The following CADM2 variants were observed in gnomAD, a reference collection of about 807,000 sequenced individuals.
CADM2 encodes immunoglobulin superfamily member 4D.
A neutral mutation model predicts 49.8 loss-of-function variants in CADM2; 12 were observed. The ratio of observed to expected loss-of-function variants is 0.24; its 90% CI spans 0.15 to 0.39. The LOEUF (loss-of-function observed/expected upper bound fraction) is 0.39, where lower values mean the gene tolerates loss of function less well. CADM2 is among the 10% of genes least tolerant of loss of function. The pLI is 1.00. For missense variants in CADM2, 378 were observed against 492.3 expected, an observed-to-expected ratio of 0.77 and a Z score of 2.20; for synonymous variants, 214 against 175.4, an observed-to-expected ratio of 1.22 and a Z score of -1.74.
intron 1 of CADM2, among the ~76,000 whole-genome samples, chr3:85,700,577 G>A (rs1225853236): frequency 6.6e-6 from 1 of 152,128 alleles, no homozygotes; most frequent in Non-Finnish European, 1.5e-5. Context: ...GACACATCTT[G>A]AAAGCTTTGC....
At chr3:85,601,870 C>T (rs1281661386) in intron 1 of CADM2, among the ~76,000 whole-genome samples, 1 of 151,420 alleles carries the variant, frequency 6.6e-6, no homozygotes, top group South Asian at 2.1e-4. Flanking sequence ...AGTCATTATC[C>T]TCACATCTTC....
At chr3:85,200,058 C>T (rs1576102044) in intron 1 of CADM2, among the ~76,000 whole-genome samples, 1 of 151,988 alleles carries the variant, frequency 6.6e-6, no homozygotes, top group Non-Finnish European at 1.5e-5. Flanking sequence ...CCTAAATGCC[C>T]TTCCATGGGT....
At chr3:85,947,203 C>G (rs576654426) in intron 7 of CADM2, among the ~76,000 whole-genome samples, 1 of 151,980 alleles carries the variant, frequency 6.6e-6, no homozygotes, top group African/African-American at 2.4e-5. Flanking sequence ...AAATGCTCAT[C>G]ATCACTGGCC....
chr3:85,270,271 A>G (rs1301328814), intron 1 of CADM2, among the ~76,000 whole-genome samples: 1 of 151,402 alleles, frequency 6.6e-6, no homozygotes, highest in Non-Finnish European at 1.5e-5. Context: ...ATATTCAGAG[A>G]TAAATAAAGA....
chr3:85,789,842 AT>A (rs2071221850), intron 2 of CADM2, among the ~76,000 whole-genome samples: 1 of 152,150 alleles, frequency 6.6e-6, no homozygotes, highest in Non-Finnish European at 1.5e-5. Context: ...GTTTGTGTTC[AT>A]TTTGCATTTT....
intron 1 of CADM2, among the ~76,000 whole-genome samples, chr3:85,452,960 TAC>T (rs752622245): frequency 6.6e-6 from 1 of 152,022 alleles, no homozygotes; most frequent in African/African-American, 2.4e-5. Flanking sequence ...CAGAAAAATA[TAC>T]ACACACACAC....
intron 2 of CADM2, among the ~76,000 whole-genome samples, chr3:85,731,576 G>A (rs2067930353): frequency 6.6e-6 from 1 of 151,982 alleles, no homozygotes; most frequent in Admixed American, 6.6e-5. Flanking sequence ...TGTAGTCCTA[G>A]GTAAGTCCCA....
chr3:85,249,709 A>T (rs2042730388), intron 1 of CADM2, among the ~76,000 whole-genome samples: 1 of 151,948 alleles, frequency 6.6e-6, no homozygotes, highest in South Asian at 2.1e-4. Context: ...ATAAGACCAC[A>T]TTGCAAATTT....
intron 1 of CADM2, among the ~76,000 whole-genome samples, chr3:85,166,565 ATCT>A (rs1463752557): frequency 6.6e-6 from 1 of 151,910 alleles, no homozygotes; most frequent in African/African-American, 2.4e-5. Context: ...AAGAACTAAC[ATCT>A]TCTGGAAAAT....
At chr3:85,120,822 A>G (rs1452258102) in intron 1 of CADM2, among the ~76,000 whole-genome samples, 1 of 152,070 alleles carries the variant, frequency 6.6e-6, no homozygotes, top group Non-Finnish European at 1.5e-5. Context: ...AGTATAATAA[A>G]AAGAAAATGA....
intron 3 of CADM2, among the ~76,000 whole-genome samples, chr3:85,809,871 T>C (rs188700266): frequency 3.3e-5 from 5 of 150,568 alleles, no homozygotes; most frequent in African/African-American, 1.2e-4. Flanking sequence ...ATTGATCTCT[T>C]CAAAACATCT....
intron 1 of CADM2, among the ~76,000 whole-genome samples, chr3:85,218,747 G>A (rs1475117830): frequency 6.6e-6 from 1 of 152,188 alleles, no homozygotes; most frequent in Non-Finnish European, 1.5e-5. Flanking sequence ...AGTGAGCCGA[G>A]ATTACGCCCA....
At chr3:85,186,169 T>A (rs150026703) in intron 1 of CADM2, among the ~76,000 whole-genome samples, 2 of 152,274 alleles carry the variant, frequency 1.3e-5, no homozygotes, top group African/African-American at 2.4e-5. Context: ...ACATAGTAGA[T>A]CCTTAAGTCC....
intron 1 of CADM2, among the ~76,000 whole-genome samples, chr3:85,605,339 A>C (rs1240267269): frequency 6.6e-6 from 1 of 152,104 alleles, no homozygotes; most frequent in Non-Finnish European, 1.5e-5. Flanking sequence ...CCATGGAACA[A>C]ATATTCACAG....
chr3:85,124,620 T>A (rs2038967627), intron 1 of CADM2, among the ~76,000 whole-genome samples: 1 of 151,898 alleles, frequency 6.6e-6, no homozygotes, highest in Non-Finnish European at 1.5e-5. Flanking sequence ...ACAAACTAAC[T>A]AACAAACAAA....
chr3:85,795,563 C>T (rs1209766068), intron 2 of CADM2, among the ~76,000 whole-genome samples: 1 of 152,106 alleles, frequency 6.6e-6, no homozygotes, highest in Non-Finnish European at 1.5e-5. Context: ...AATCTCCAAC[C>T]TGGAAGAACG....
At chr3:85,471,910 A>G (rs1432857879) in intron 1 of CADM2, among the ~76,000 whole-genome samples, 2 of 151,776 alleles carry the variant, frequency 1.3e-5, no homozygotes, top group African/African-American at 4.8e-5. Context: ...AGGCCATTCT[A>G]TTCTTTATAC....
chr3:85,188,866 C>G (rs1490025470), intron 1 of CADM2, among the ~76,000 whole-genome samples: 1 of 151,678 alleles, frequency 6.6e-6, no homozygotes, highest in African/African-American at 2.4e-5. Flanking sequence ...CCCGTCTCTA[C>G]TAAAAATACA....
intron 2 of CADM2, among the ~76,000 whole-genome samples, chr3:85,801,612 T>C (rs994514359): frequency 1.8e-4 from 28 of 152,302 alleles, no homozygotes; most frequent in Non-Finnish European, 4.0e-4. Context: ...TCAAAAACTT[T>C]ATTCAGGATT....
Sources: allele counts gnomAD v4.1 joint callset (sites outside exome capture counted in the v4.1 genomes callset), GRCh38; gene constraint gnomAD v4.1.1; transcripts MANE v1.5; gene names NCBI Gene and HGNC (gene_info 2026-07-23, HGNC 2026-07-21).